PTPRT: variants seen among roughly 807,000 people sequenced by gnomAD.
PTPRT encodes receptor-type tyrosine-protein phosphatase T.
A neutral mutation model predicts 176.8 loss-of-function variants in PTPRT; 56 were observed. That is an observed-to-expected ratio of 0.32 (90% CI 0.26 to 0.40). The LOEUF (loss-of-function observed/expected upper bound fraction) is 0.40. Ranked by LOEUF, PTPRT falls within the 10% of genes least tolerant of loss-of-function variation. The pLI is 1.00. For missense variants in PTPRT, 1,540 were observed against 1,908.2 expected (o/e 0.81, Z 3.60); for synonymous variants, 783 against 739.0 (o/e 1.06, Z -0.96).
intron 2 of PTPRT, among the ~76,000 whole-genome samples, chr20:42,855,430 T>C (rs971043350): frequency 9.4e-6 from 1 of 106,276 alleles, no homozygotes; most frequent in Non-Finnish European, 1.7e-5. Flanking sequence ...ATGTTCATGC[T>C]TTTTTTTTTT....
intron 27 of PTPRT, 21 bp from the exon 28 acceptor site, chr20:42,085,874 A>G (rs766893701): frequency 3.1e-6 from 5 of 1,600,294 alleles, no homozygotes; most frequent in Non-Finnish European, 3.4e-6. Context: ...GAAAGAGGTC[A>G]CAGAAGGAGC....
At chr20:43,053,412 A>G (rs973708052) in intron 1 of PTPRT, among the ~76,000 whole-genome samples, 3 of 152,138 alleles carry the variant, frequency 2.0e-5, no homozygotes, top group Admixed American at 6.5e-5. Flanking sequence ...TCTAAACACA[A>G]ATCTGGCAGA....
intron 2 of PTPRT, among the ~76,000 whole-genome samples, chr20:42,858,266 A>G (rs960252057): frequency 2.6e-5 from 4 of 152,232 alleles, no homozygotes; most frequent in Non-Finnish European, 5.9e-5. Context: ...GAGAGAAATT[A>G]GGCAAATATA....
rs1311934302 is a variant in PTPRT at position 42,522,926 on chromosome 20, T to C, written c.1154-50364A>G. 3.3e-5 allele frequency among the ~76,000 whole-genome samples: 5 copies of C among 152,174 alleles called. No homozygotes were observed. In the East Asian group the frequency reaches 5.8e-4, roughly 18 times the overall value. ...TTCTCCTGTATATGGTATGCACGAA[T>C]ATGGTGGCTCATTTTCTGATACTCG... On this transcript the variant is annotated intron_variant, in intron 7 of 30. Coordinates refer to ENST00000373187, the MANE Select transcript of PTPRT (RefSeq NM_007050.6).
intron 15 of PTPRT, among the ~76,000 whole-genome samples, chr20:42,221,235 T>C (rs6093595): frequency 0.41 from 62,850 of 151,974 alleles, 13,306 homozygotes; most frequent in African/African-American, 0.49. Flanking sequence ...AACTCCTGAC[T>C]TCAGGTGATC....
chr20:42,835,988 T>A (rs2078174443), intron 2 of PTPRT, among the ~76,000 whole-genome samples: 2 of 152,238 alleles, frequency 1.3e-5, no homozygotes, highest in Non-Finnish European at 2.9e-5. Context: ...GCTCAGTGCC[T>A]GGCATGAAGG....
chr20:42,353,409 A>G (rs575605032), intron 9 of PTPRT, among the ~76,000 whole-genome samples: 7 of 152,324 alleles, frequency 4.6e-5, no homozygotes, highest in South Asian at 4.1e-4. Flanking sequence ...GCATGCAATC[A>G]CCATTTTTCA....
chr20:42,705,872 T>C (rs567426826), intron 6 of PTPRT, among the ~76,000 whole-genome samples: 19 of 152,306 alleles, frequency 1.2e-4, no homozygotes, highest in African/African-American at 4.1e-4. Flanking sequence ...TAGTACATGT[T>C]AGCTATTGAT....
At chr20:42,657,739 A>G (rs920157247) in intron 7 of PTPRT, among the ~76,000 whole-genome samples, 5 of 152,210 alleles carry the variant, frequency 3.3e-5, no homozygotes, top group Admixed American at 2.6e-4. Flanking sequence ...TTCCATGATC[A>G]GGAAGAGGGA....
intron 1 of PTPRT, among the ~76,000 whole-genome samples, chr20:43,036,363 C>G (rs1044094662): frequency 6.6e-6 from 1 of 152,038 alleles, no homozygotes; most frequent in Non-Finnish European, 1.5e-5. Flanking sequence ...TCTAAAGTAG[C>G]TGGGACTGCA....
intron 6 of PTPRT, among the ~76,000 whole-genome samples, chr20:42,729,206 G>C (rs2076424314): frequency 6.6e-6 from 1 of 152,118 alleles, no homozygotes; most frequent in African/African-American, 2.4e-5. Context: ...CTCCCACCCT[G>C]AACTAAAAAT....
At chr20:42,105,962 C>T (rs1986397358) in intron 24 of PTPRT, among the ~76,000 whole-genome samples, 1 of 152,144 alleles carries the variant, frequency 6.6e-6, no homozygotes, top group Non-Finnish European at 1.5e-5. Flanking sequence ...AGCCAAGGTA[C>T]AGAGTGGGAT....
At chr20:42,207,233 G>A (rs967724116) in intron 15 of PTPRT, among the ~76,000 whole-genome samples, 12 of 152,168 alleles carry the variant, frequency 7.9e-5, no homozygotes, top group African/African-American at 2.2e-4. Context: ...AACGCAGAGC[G>A]CCTCTCCTCC....
At chr20:43,113,067 A>G (rs905288787) in intron 1 of PTPRT, among the ~76,000 whole-genome samples, 2 of 147,612 alleles carry the variant, frequency 1.4e-5, no homozygotes, top group Admixed American at 1.4e-4. Context: ...ATATAAACGT[A>G]TCTCCTGGGG....
intron 27 of PTPRT, among the ~76,000 whole-genome samples, chr20:42,087,777 G>A (rs1384639767): frequency 6.7e-6 from 1 of 149,772 alleles, no homozygotes; most frequent in Non-Finnish European, 1.5e-5. Context: ...GGAGGCTGAG[G>A]CAGGAGAATC....
chr20:43,114,813 T>A (rs1340481239), intron 1 of PTPRT, among the ~76,000 whole-genome samples: 1 of 152,156 alleles, frequency 6.6e-6, no homozygotes, highest in Non-Finnish European at 1.5e-5. Context: ...ACTAGGTTTT[T>A]AAAAAATTAA....
chr20:42,438,100 G>C (rs941148266), intron 9 of PTPRT, among the ~76,000 whole-genome samples: 1 of 152,164 alleles, frequency 6.6e-6, no homozygotes, highest in Non-Finnish European at 1.5e-5. Context: ...TGCACAGAAG[G>C]ACACCCTACA....
chr20:43,141,688 G>A (rs541017801), intron 1 of PTPRT, among the ~76,000 whole-genome samples: 33 of 152,286 alleles, frequency 2.2e-4, no homozygotes, highest in African/African-American at 7.7e-4. Flanking sequence ...AGAATTAATG[G>A]CCATTTTTAC....
intron 1 of PTPRT, among the ~76,000 whole-genome samples, chr20:43,173,722 G>A (rs865830124): frequency 8.4e-4 from 128 of 152,308 alleles, no homozygotes; most frequent in Middle Eastern, 3.4e-3. Context: ...ATATCTAGGG[G>A]CTCAACCTCT....
Sources: allele counts gnomAD v4.1 joint callset (sites outside exome capture counted in the v4.1 genomes callset), GRCh38; gene constraint gnomAD v4.1.1; transcripts MANE v1.5; gene names NCBI Gene and HGNC (gene_info 2026-07-23, HGNC 2026-07-21).